C1orf54: variants seen among roughly 807,000 people sequenced by gnomAD.
C1orf54 encodes the protein chromosome 1 open reading frame 54, also known as uncharacterized protein C1orf54.
In C1orf54, 12 loss-of-function variants were observed where a neutral mutation model predicts 14.7. That is an observed-to-expected ratio of 0.82 (90% CI 0.52 to 1.32). C1orf54 has a LOEUF of 1.32. C1orf54 is among the 40% of genes most tolerant of loss of function. C1orf54 has a pLI of 0.00. For missense variants in C1orf54, 163 were observed against 162.2 expected (o/e 1.00, Z -0.03); for synonymous variants, 65 against 56.3 (o/e 1.16, Z -0.70).
chr1:150,272,850 G>A lies in C1orf54; in HGVS notation c.33G>A (p.Val11=), dbSNP rs937647307. 2.5e-6 allele frequency: 4 copies of A among 1,614,144 alleles called. No individual in the cohort carries two copies. Among genetic ancestry groups the A allele is most frequent in the Non-Finnish European group, 2.5e-6 (3 of 1,180,036 alleles). MDVLFVAIFA[V]PLILGQEYED... is the part of the protein sequence containing the mutation. The stretch of plus-strand genomic sequence containing the variant: ...TCCTCTTTGTAGCCATCTTTGCTGT[G>A]CCACTTATCCTGGGTAAGTCCACTC... The change falls in exon 1 of 6, where the codon GTG becomes GTA. Residue 11 remains valine, a synonymous_variant. Coordinates refer to ENST00000369099, the MANE Select transcript of C1orf54 (RefSeq NM_024579.4).
chr1:150,273,253 C>A (rs1350451392), intron 1 of C1orf54, among the ~76,000 whole-genome samples: 2 of 152,154 alleles, frequency 1.3e-5, no homozygotes, highest in Admixed American at 6.5e-5. Flanking sequence ...GAGAAAAAAA[C>A]CTGCTATTAG....
At chr1:150,277,499 T>TCAA (rs1235256110) in intron 4 of C1orf54, among the ~76,000 whole-genome samples, 2 of 107,044 alleles carry the variant, frequency 1.9e-5, no homozygotes, top group Admixed American at 1.2e-4. Flanking sequence ...TGAGACTCTA[T>TCAA]ACTAAAAAAA....
At chr1:150,272,514 T>C (rs587774083), upstream of C1orf54, 3 of 295,308 alleles carry the variant, frequency 1.0e-5, no homozygotes, top group African/African-American at 2.2e-5. Context: ...GCTTATTTTT[T>C]ATTTTTATTT....
rs782308109 is a variant in C1orf54 at position 150,272,833 on chromosome 1, G to A, written c.16G>A (p.Val6Ile). MDVLFVAIFAVPLILG... is the reference protein window; with the variant it reads MDVLFIAIFAVPLILG... ...AGAATCCAGAATGGATGTCCTCTTT[G>A]TAGCCATCTTTGCTGTGCCACTTAT... Residue 6 changes from valine to isoleucine, a missense_variant, in exon 1 of 6, where the codon GTA (valine) becomes ATA (isoleucine). Coordinates refer to ENST00000369099, the MANE Select transcript of C1orf54 (RefSeq NM_024579.4). 1.9e-6 allele frequency: 3 copies of A among 1,614,120 alleles called. No individual in the cohort carries two copies. The highest frequency in any genetic ancestry group is 3.3e-5 in the Admixed American group (2 of 60,014).
chr1:150,277,502 TAAAAAAAAA>T (rs71083896), intron 4 of C1orf54, among the ~76,000 whole-genome samples: 1,906 of 41,370 alleles, frequency 0.046, 77 homozygotes, highest in African/African-American at 0.13. Flanking sequence ...GACTCTATAC[TAAAAAAAAA>T]AAAAAAAAAA....
In C1orf54 at chr1:150,276,610, TG is replaced by T; in HGVS notation, c.279del (p.Lys94AsnfsTer3). On this transcript the variant is annotated frameshift_variant, in exon 4 of 6. Coordinates refer to ENST00000369099, the MANE Select transcript of C1orf54 (RefSeq NM_024579.4). LOFTEE classifies it high-confidence loss of function. Reference sequence around the variant, plus strand: ...GCAGACCATCCGAAGCCTGTAACTGTGAAACCAGTAACAACGGAACCTGTGA... The same window carrying T: ...GCAGACCATCCGAAGCCTGTAACTGTAAACCAGTAACAACGGAACCTGTGA... Reference protein sequence around the residue: ...ARADHPKPVTVKPVTTEPSPD... With the variant: ...ARADHPKPVTXKPVTTEPSPD... 6.2e-7 allele frequency: 1 copy of T among 1,613,654 alleles called. No homozygotes were observed. The highest frequency in any genetic ancestry group is 8.5e-7 in the Non-Finnish European group (1 of 1,179,724).
upstream of C1orf54, chr1:150,272,566 CA>C (rs1447392243): frequency 1.3e-5 from 7 of 518,590 alleles, no homozygotes; most frequent in African/African-American, 3.9e-5. Flanking sequence ...TAATCTAGGG[CA>C]GGGGGAGCTT....
In C1orf54 at chr1:150,274,293, A is replaced by G. The variant is rs192005029; in HGVS notation, c.130+123A>G. 138 of 710,118 alleles carry G rather than the reference A, an allele frequency of 1.9e-4. No individual in the cohort carries two copies. In the East Asian group the frequency reaches 3.2e-3, roughly 17 times the overall value. The allele number at this position is 710,118 out of a possible 1,614,324, so 44.0% of individuals were successfully genotyped here. ...GGGTCAGAGAAAAATCTGGCTATGA[A>G]CAAAACCTATCAAGACTCATGATGG... On this transcript the variant is annotated intron_variant, in intron 2 of 5. Coordinates refer to ENST00000369099, the MANE Select transcript of C1orf54 (RefSeq NM_024579.4).
At chr1:150,280,719 C>A in intron 5 of C1orf54, 116 bp from the exon 6 acceptor site, 2 of 795,110 alleles carry the variant, frequency 2.5e-6, no homozygotes, top group Non-Finnish European at 2.0e-6. Context: ...CAGGAGCTAT[C>A]ACAGAGCAAT....
upstream of C1orf54, among the ~76,000 whole-genome samples, chr1:150,271,541 T>C (rs1438947379): frequency 6.6e-6 from 1 of 152,246 alleles, no homozygotes; most frequent in African/African-American, 2.4e-5. Context: ...CAGATACTTA[T>C]TAACTTCCCT....
chr1:150,276,622 C>A lies in C1orf54; in HGVS notation c.290C>A (p.Thr97Lys). The A allele has an allele frequency of 6.2e-7, 1 of 1,613,412 alleles. No homozygotes were observed. The highest frequency in any genetic ancestry group is 8.5e-7 in the Non-Finnish European group (1 of 1,179,468). The change falls in exon 4 of 6, where the codon ACA (threonine) becomes AAA (lysine). Residue 97 changes from threonine to lysine, a missense_variant. Physicochemically the swap from Thr to Lys is moderately conservative, Grantham distance 78. Transcript: ENST00000369099. Reference protein sequence around the residue: ...HPKPVTVKPVTTEPSPDLNDA... With the variant: ...HPKPVTVKPVKTEPSPDLNDA... ...AAGCCTGTAACTGTGAAACCAGTAA[C>A]AACGGAACCTGTGAGTTGATTGGGG...
intron 2 of C1orf54, among the ~76,000 whole-genome samples, chr1:150,274,862 G>A (rs1652510649): frequency 6.8e-6 from 1 of 147,852 alleles, no homozygotes; most frequent in Non-Finnish European, 1.5e-5. Flanking sequence ...GTGGTGAACT[G>A]AGATCACACC....
upstream of C1orf54, among the ~76,000 whole-genome samples, chr1:150,271,858 G>A (rs1652223375): frequency 6.6e-6 from 1 of 152,212 alleles, no homozygotes; most frequent in South Asian, 2.1e-4. Context: ...ATGAGGTGAG[G>A]CCGGGCACGG....
chr1:150,279,765 G>C (rs782772670), intron 5 of C1orf54, 24 bp downstream of exon 5: 39 of 1,564,062 alleles, frequency 2.5e-5, no homozygotes, highest in Non-Finnish European at 4.4e-6. Context: ...CACTGGCTTT[G>C]GGGGAGTCTG....
chr1:150,276,728 G>C (rs1553852608), intron 4 of C1orf54, 96 bp downstream of exon 4: 1 of 971,080 alleles, frequency 1.0e-6, no homozygotes, highest in Non-Finnish European at 1.6e-6. Flanking sequence ...TGGTGGATGG[G>C]AGAACCAAAT....
upstream of C1orf54, among the ~76,000 whole-genome samples, chr1:150,271,834 A>C (rs1331462884): frequency 2.0e-5 from 3 of 152,122 alleles, no homozygotes; most frequent in South Asian, 6.2e-4. Flanking sequence ...TGCATCCTGG[A>C]AGTTGAGAAA....
intron 2 of C1orf54, among the ~76,000 whole-genome samples, chr1:150,274,713 G>A (rs1270113587): frequency 6.6e-6 from 1 of 151,854 alleles, no homozygotes; most frequent in African/African-American, 2.4e-5. Flanking sequence ...AGGAGTTTGA[G>A]ACCAGCCTGG....
intron 4 of C1orf54, among the ~76,000 whole-genome samples, chr1:150,277,502 TAAAAAAAAAAAA>T (rs71083896): frequency 2.4e-5 from 1 of 41,328 alleles, no homozygotes; most frequent in Non-Finnish European, 4.6e-5. Context: ...GACTCTATAC[TAAAAAAAAAAAA>T]AAAAAAAAAA....
upstream of C1orf54, chr1:150,269,649 C>T (rs1233130723): frequency 6.6e-6 from 1 of 151,942 alleles, no homozygotes; most frequent in Non-Finnish European, 1.5e-5. Flanking sequence ...ACGACACCCC[C>T]ACCCCACCCC....
Sources: allele counts gnomAD v4.1 joint callset (sites outside exome capture counted in the v4.1 genomes callset), GRCh38; gene constraint gnomAD v4.1.1; transcripts MANE v1.5; gene names NCBI Gene and HGNC (gene_info 2026-07-23, HGNC 2026-07-21).